The following WDFY4 variants were observed in gnomAD, a reference collection of about 807,000 sequenced individuals.
The protein encoded by WDFY4 is WD repeat- and FYVE domain-containing protein 4.
A neutral mutation model predicts 351.9 loss-of-function variants in WDFY4; 169 were observed. That is an observed-to-expected ratio of 0.48 (90% CI 0.42 to 0.55). The LOEUF is 0.55. Ranked by LOEUF, WDFY4 falls within the 20% of genes least tolerant of loss-of-function variation. The pLI is 0.00. For synonymous variants in WDFY4, 1,622 were observed against 1,574.6 expected (o/e 1.03, Z -0.71); for missense variants, 3,803 against 3,935.6 (o/e 0.97, Z 0.90).
At chr10:48,771,181 C>G (rs1462607515) in intron 13 of WDFY4, among the ~76,000 whole-genome samples, 2 of 152,182 alleles carry the variant, frequency 1.3e-5, no homozygotes, top group South Asian at 2.1e-4. Context: ...TGTTGATGAA[C>G]AGTGTAAATA....
chr10:48,774,458 C>A lies in WDFY4; in HGVS notation c.2554C>A (p.Leu852Ile), dbSNP rs1413387579. Residue 852 changes from leucine (L) to isoleucine (I), a missense_variant and splice_region_variant, in exon 14 of 62, where the codon CTT becomes ATT. Around this residue, in one of 3 missense-constraint regions of WDFY4, gnomAD observed 3,054 missense variants for 3,148.6 expected, o/e 0.97. Transcript: ENST00000325239. ...CACAGCTTGCTTTGGTCACTCTTAG[C>A]TTTCCGAGGAGATCCAGTGCTCCCT... Reference protein sequence around the residue: ...PRLYHEDHPQLSEEIQCSLAS... With the variant: ...PRLYHEDHPQISEEIQCSLAS... 4 of 1,551,736 alleles carry A rather than the reference C, an allele frequency of 2.6e-6. No homozygotes were observed. Among genetic ancestry groups the A allele is most frequent in the African/African-American group, 2.7e-5 (2 of 73,194 alleles).
chr10:48,821,031 T>C, intron 33 of WDFY4, 31 bp from the exon 34 acceptor site: 1 of 1,503,700 alleles, frequency 6.7e-7, no homozygotes, highest in South Asian at 1.2e-5. Flanking sequence ...GGCCCTGTGG[T>C]TGCTGTCTCA....
In WDFY4 at chr10:48,758,114, T is replaced by C. The variant is rs2065389895; in HGVS notation, c.2460-2233T>C. ...TCTGAAGAAATTTTAAAAGTATTAT[T>C]CTTAGAACAAGTCTGATGGCAAGAA... On this transcript the variant is annotated intron_variant, in intron 12 of 61. Transcript: ENST00000325239. Among the ~76,000 whole-genome samples the C allele has an allele frequency of 2.0e-5, 3 of 152,206 alleles. No homozygotes were observed. The South Asian group carries it at 6.2e-4, about 32-fold the overall frequency.
intron 1 of WDFY4, among the ~76,000 whole-genome samples, chr10:48,706,136 A>C (rs544247743): frequency 5.3e-5 from 8 of 151,908 alleles, no homozygotes; most frequent in African/African-American, 1.7e-4. Flanking sequence ...GGTCTAGGCG[A>C]GAGAGAGAGA....
intron 13 of WDFY4, among the ~76,000 whole-genome samples, chr10:48,766,583 G>A (rs1371447783): frequency 2.6e-5 from 4 of 152,024 alleles, no homozygotes; most frequent in Non-Finnish European, 4.4e-5. Flanking sequence ...GACAGAGTGA[G>A]ACCTTGTCTC....
At chr10:48,686,543 A>G (rs1434563408) in intron 1 of WDFY4, among the ~76,000 whole-genome samples, 1 of 152,208 alleles carries the variant, frequency 6.6e-6, no homozygotes, top group African/African-American at 2.4e-5. Context: ...TTCTAATTTT[A>G]CATCCCATAT....
At chr10:48,961,032 C>T (rs1248285883) in intron 53 of WDFY4, among the ~76,000 whole-genome samples, 1 of 152,224 alleles carries the variant, frequency 6.6e-6, no homozygotes, top group Admixed American at 6.5e-5. Flanking sequence ...TTTATAAAAA[C>T]ACTTTGAACT....
At chr10:48,686,397 C>T (rs567506947) in intron 1 of WDFY4, among the ~76,000 whole-genome samples, 2 of 151,242 alleles carry the variant, frequency 1.3e-5, no homozygotes, top group South Asian at 2.1e-4. Context: ...ACAGCATAAA[C>T]CCTGTGTGCT....
At chr10:48,726,117 T>C in intron 6 of WDFY4, 47 bp downstream of exon 6, 1 of 1,511,140 alleles carries the variant, frequency 6.6e-7, no homozygotes, top group South Asian at 1.2e-5. Context: ...TGCAAGGGCT[T>C]CCCTTGAACT....
intron 59 of WDFY4, among the ~76,000 whole-genome samples, chr10:48,978,017 CAG>C (rs1842649766): frequency 6.6e-6 from 1 of 152,154 alleles, no homozygotes; most frequent in Admixed American, 6.5e-5. Context: ...AAACTGGTTG[CAG>C]AGTCACATCC....
At chr10:48,878,956 T>C (rs2663029) in intron 43 of WDFY4, among the ~76,000 whole-genome samples, 56,129 of 152,190 alleles carry the variant, frequency 0.37, 10,714 homozygotes, top group East Asian at 0.71. Context: ...ATATCTACTA[T>C]GTGAAATTTT....
intron 39 of WDFY4, among the ~76,000 whole-genome samples, chr10:48,837,182 G>C (rs951589080): frequency 6.6e-6 from 1 of 151,914 alleles, no homozygotes; most frequent in African/African-American, 2.4e-5. Flanking sequence ...AGGAGTCAGG[G>C]GGCTGGAAGC....
At chr10:48,720,205 C>A (rs74130612) in intron 3 of WDFY4, 80 bp downstream of exon 3, 12 of 1,400,442 alleles carry the variant, frequency 8.6e-6, no homozygotes, top group East Asian at 2.5e-5. Context: ...CTCAGGCCCC[C>A]CTCTGCTTTC....
chr10:48,840,007 G>A (rs1313762475), intron 39 of WDFY4, among the ~76,000 whole-genome samples: 1 of 152,208 alleles, frequency 6.6e-6, no homozygotes, highest in Non-Finnish European at 1.5e-5. Flanking sequence ...AGTCTGGCCT[G>A]AGAGCTCTTC....
chr10:48,939,095 T>A (rs112584947), intron 47 of WDFY4, among the ~76,000 whole-genome samples: 131 of 152,290 alleles, frequency 8.6e-4, no homozygotes, highest in African/African-American at 3.1e-3. Context: ...TTGTGTCCAC[T>A]GGGCTGACTG....
chr10:48,857,577 A>T (rs1345827758), intron 39 of WDFY4, among the ~76,000 whole-genome samples: 3 of 152,138 alleles, frequency 2.0e-5, no homozygotes, highest in Non-Finnish European at 4.4e-5. Context: ...AAATTTATTG[A>T]CCACATTTTG....
At position 48,720,989 on chromosome 10, in the gene WDFY4, C is replaced by G. The variant is rs77288070; in HGVS notation, c.350-272C>G. Among the ~76,000 whole-genome samples the G allele has an allele frequency of 3.9e-5, 6 of 152,222 alleles. No individual in the cohort carries two copies. The East Asian group carries it at 1.2e-3, about 29-fold the overall frequency. Reference sequence around the variant, plus strand: ...TCTGGATTGTGGGGAGTCTGATAGCCGATTAGCTTGTTCTTACTCATTGGC... The same window carrying G: ...TCTGGATTGTGGGGAGTCTGATAGCGGATTAGCTTGTTCTTACTCATTGGC... On this transcript the variant is annotated intron_variant, in intron 3 of 61. Coordinates refer to ENST00000325239, the MANE Select transcript of WDFY4 (RefSeq NM_001394531.1).
chr10:48,945,919 C>T, intron 49 of WDFY4, 121 bp from the exon 50 acceptor site: 1 of 627,230 alleles, frequency 1.6e-6, no homozygotes, highest in South Asian at 2.7e-5. Flanking sequence ...AGCTAACCAC[C>T]AGAGGCAGGT....
At position 48,796,568 on chromosome 10, in the gene WDFY4, G is replaced by A. The variant is rs1589632448; in HGVS notation, c.4410+118G>A. 5.8e-6 allele frequency: 8 copies of A among 1,385,740 alleles called. 1 individual carries two copies. The South Asian group carries it at 5.8e-5, about 10-fold the overall frequency. 85.8% of individuals were successfully genotyped at this position (1,385,740 alleles called of 1,614,324 possible). A position where few individuals can be genotyped will look rare whatever the true frequency, so the allele number is the denominator to read the frequency against. On this transcript the variant is annotated intron_variant, in intron 24 of 61. Transcript: ENST00000325239. ...TCCCTCATAGTCATGATGGTAGGGAGAGGGAAAACCAAACGAGCCTGCCCA... is the reference window on the plus strand; with the variant it reads ...TCCCTCATAGTCATGATGGTAGGGAAAGGGAAAACCAAACGAGCCTGCCCA...
Sources: allele counts gnomAD v4.1 joint callset (sites outside exome capture counted in the v4.1 genomes callset), GRCh38; gene constraint gnomAD v4.1.1; regional missense constraint gnomAD v4.1.1; transcripts MANE v1.5; gene names NCBI Gene and HGNC (gene_info 2026-07-23, HGNC 2026-07-21).